PLCB4: variants seen among roughly 807,000 people sequenced by gnomAD.
PLCB4 encodes 1-phosphatidylinositol 4,5-bisphosphate phosphodiesterase beta-4.
In PLCB4, 77 loss-of-function variants were observed where a neutral mutation model predicts 178.8. The observed-to-expected ratio is 0.43, with a 90% CI of 0.36 to 0.52. The LOEUF (loss-of-function observed/expected upper bound fraction) is 0.52, where lower values mean the gene tolerates loss of function less well. Ranked by LOEUF, PLCB4 falls within the 20% of genes least tolerant of loss-of-function variation. PLCB4 has a pLI of 0.00. For missense variants in PLCB4, 1,024 were observed against 1,453.4 expected (o/e 0.70, Z 4.80); for synonymous variants, 496 against 490.8 (o/e 1.01, Z -0.14).
At chr20:9,263,834 G>A (rs559678774) in intron 3 of PLCB4, among the ~76,000 whole-genome samples, 3 of 152,284 alleles carry the variant, frequency 2.0e-5, no homozygotes, top group African/African-American at 7.2e-5. Context: ...GGTACCAAAG[G>A]GGTGATCAGT....
intron 3 of PLCB4, among the ~76,000 whole-genome samples, chr20:9,293,678 A>G (rs2094604033): frequency 6.6e-6 from 1 of 151,482 alleles, no homozygotes. Context: ...GCTGGACACT[A>G]TAGTAGCAAG....
intron 2 of PLCB4, among the ~76,000 whole-genome samples, chr20:9,135,720 G>A (rs557001124): frequency 6.6e-6 from 1 of 152,098 alleles, no homozygotes; most frequent in East Asian, 1.9e-4. Context: ...ATAGCCATTT[G>A]GTTAATAAGT....
chr20:9,185,384 C>A (rs1256001590), intron 2 of PLCB4, among the ~76,000 whole-genome samples: 5 of 151,782 alleles, frequency 3.3e-5, no homozygotes, highest in Non-Finnish European at 1.5e-5. Flanking sequence ...TCCTTGACTC[C>A]TCTCTCTCAC....
intron 30 of PLCB4, among the ~76,000 whole-genome samples, chr20:9,443,682 T>G (rs1251513087): frequency 6.6e-6 from 1 of 152,166 alleles, no homozygotes; most frequent in African/African-American, 2.4e-5. Context: ...TCCTCTGCCC[T>G]GCTCCACTTC....
intron 20 of PLCB4, among the ~76,000 whole-genome samples, chr20:9,402,628 T>G (rs1216289936): frequency 6.6e-6 from 1 of 152,222 alleles, no homozygotes; most frequent in African/African-American, 2.4e-5. Flanking sequence ...GACAGGCTGC[T>G]GCTCTAGGCC....
intron 35 of PLCB4, among the ~76,000 whole-genome samples, chr20:9,468,150 T>G (rs2122594312): frequency 6.6e-6 from 1 of 152,190 alleles, no homozygotes; most frequent in Non-Finnish European, 1.5e-5. Context: ...TGGGCAAAAA[T>G]ACTGTCTCCT....
At chr20:9,097,152 C>G (rs917436227) in intron 2 of PLCB4, among the ~76,000 whole-genome samples, 1 of 150,994 alleles carries the variant, frequency 6.6e-6, no homozygotes, top group Non-Finnish European at 1.5e-5. Context: ...CCAGGCTGAT[C>G]TCGAACTCCT....
At chr20:9,413,531 C>T (rs988551734) in intron 25 of PLCB4, among the ~76,000 whole-genome samples, 6 of 151,856 alleles carry the variant, frequency 4.0e-5, no homozygotes, top group African/African-American at 1.5e-4. Flanking sequence ...TGGTGGCGGG[C>T]ACCTGTAGTC....
chr20:9,340,988 G>GA (rs1452757036), intron 7 of PLCB4, among the ~76,000 whole-genome samples: 2 of 152,090 alleles, frequency 1.3e-5, no homozygotes, highest in Admixed American at 6.5e-5. Context: ...TTTCAGATGA[G>GA]AAAAATGAAG....
upstream of PLCB4, chr20:9,068,956 G>T (rs1011179454): frequency 6.6e-6 from 1 of 150,836 alleles, no homozygotes; most frequent in African/African-American, 2.4e-5. Context: ...GGGAGGGGGT[G>T]CGGAGGCAGG....
At chr20:9,241,304 G>A (rs1184658913) in intron 3 of PLCB4, among the ~76,000 whole-genome samples, 3 of 151,896 alleles carry the variant, frequency 2.0e-5, no homozygotes, top group African/African-American at 7.3e-5. Context: ...TGCTGTCAGA[G>A]AAGCTGAAAT....
chr20:9,162,714 T>C (rs2092908542), intron 2 of PLCB4, among the ~76,000 whole-genome samples: 1 of 152,178 alleles, frequency 6.6e-6, no homozygotes, highest in Admixed American at 6.6e-5. Context: ...TTTTTCCTTT[T>C]TTGTGGTAAT....
chr20:9,422,709 C>T (rs1313158548), intron 27 of PLCB4, among the ~76,000 whole-genome samples: 1 of 152,146 alleles, frequency 6.6e-6, no homozygotes, highest in Non-Finnish European at 1.5e-5. Context: ...TCATTGCTAG[C>T]AAGTGCTTTA....
intron 3 of PLCB4, among the ~76,000 whole-genome samples, chr20:9,264,496 C>A (rs1162453219): frequency 6.6e-6 from 1 of 152,160 alleles, no homozygotes; most frequent in Non-Finnish European, 1.5e-5. Flanking sequence ...TGGGGCCCTT[C>A]TGACATGAAT....
At chr20:9,387,336 C>A in intron 14 of PLCB4, 127 bp from the exon 15 acceptor site, 1 of 557,500 alleles carries the variant, frequency 1.8e-6, no homozygotes, top group Non-Finnish European at 3.2e-6. Flanking sequence ...ATGAAATAAT[C>A]AGGTTACTTA....
intron 7 of PLCB4, among the ~76,000 whole-genome samples, chr20:9,341,501 C>G (rs928620513): frequency 1.3e-5 from 2 of 151,882 alleles, no homozygotes; most frequent in Non-Finnish European, 2.9e-5. Context: ...ATATATTATT[C>G]ATGAATTGAA....
intron 2 of PLCB4, among the ~76,000 whole-genome samples, chr20:9,183,188 G>T (rs2093274833): frequency 6.6e-6 from 1 of 152,030 alleles, no homozygotes; most frequent in Non-Finnish European, 1.5e-5. Context: ...GGAAGCCTGG[G>T]GCTCACCTAT....
intron 2 of PLCB4, among the ~76,000 whole-genome samples, chr20:9,114,431 C>T (rs2091708775): frequency 6.6e-6 from 1 of 151,970 alleles, no homozygotes; most frequent in South Asian, 2.1e-4. Flanking sequence ...AAGAAACAGC[C>T]TAGGTAGAGG....
intron 13 of PLCB4, 76 bp downstream of exon 13, chr20:9,380,238 G>T: frequency 1.3e-6 from 1 of 743,148 alleles, no homozygotes; most frequent in South Asian, 1.8e-5. Flanking sequence ...TTTATTTAAA[G>T]GTATCTGTAA....
Sources: gnomAD v4.1 joint callset for allele counts (sites outside exome capture counted in the v4.1 genomes callset) on GRCh38, gnomAD v4.1.1 for gene constraint, MANE v1.5 for transcripts, NCBI Gene and HGNC (gene_info 2026-07-23, HGNC 2026-07-21) for gene names.